Variants in STIM1 observed in about 807,000 individuals in gnomAD.
STIM1 encodes the protein stromal interaction molecule 1.
Under a neutral mutation model 74.7 loss-of-function variants are expected in STIM1, and 25 were observed. The observed-to-expected ratio is 0.33, with a 90% CI of 0.24 to 0.47. STIM1 has a LOEUF of 0.47. STIM1 is among the 20% of genes least tolerant of loss of function. The pLI is 1.00. For synonymous variants in STIM1, 328 were observed against 348.8 expected, an observed-to-expected ratio of 0.94 and a Z score of 0.66; for missense variants, 728 against 920.8, an observed-to-expected ratio of 0.79 and a Z score of 2.71.
intron 3 of STIM1, among the ~76,000 whole-genome samples, chr11:4,052,858 C>G (rs1314374097): frequency 6.6e-6 from 1 of 152,132 alleles, no homozygotes; most frequent in South Asian, 2.1e-4. Flanking sequence ...GGGCTAATAT[C>G]CAGAATCTAC....
At chr11:3,999,406 C>G (rs545946937) in intron 2 of STIM1, among the ~76,000 whole-genome samples, 6 of 152,256 alleles carry the variant, frequency 3.9e-5, no homozygotes, top group Non-Finnish European at 7.3e-5. Context: ...TGTAAGGTGT[C>G]TGGTAGGGAG....
rs115676785 is a variant in STIM1, at chr11:3,956,954, C to T, written c.140-10598C>T. On this transcript the variant is annotated intron_variant, in intron 1 of 12. Transcript: ENST00000526596. Reference sequence around the variant, plus strand: ...TACCTAGTATGTGTCAGGCACTGTACGAGTCCCTTGGGATACTGCAGTGAG... The same window carrying T: ...TACCTAGTATGTGTCAGGCACTGTATGAGTCCCTTGGGATACTGCAGTGAG... Among the ~76,000 whole-genome samples, 576 of 151,326 alleles carry T rather than the reference C, an allele frequency of 3.8e-3. 3 individuals carry two copies. The highest frequency in any genetic ancestry group is 0.013 in the African/African-American group (541 of 41,262).
chr11:3,937,229 T>TG (rs1254273601), intron 1 of STIM1, among the ~76,000 whole-genome samples: 2 of 151,464 alleles, frequency 1.3e-5, no homozygotes, highest in Non-Finnish European at 2.9e-5. Context: ...AGGCAGAAGT[T>TG]GCAGTGAGCC....
chr11:3,898,074 T>C (rs375370707), intron 1 of STIM1, among the ~76,000 whole-genome samples: 3,481 of 152,118 alleles, frequency 0.023, 139 homozygotes, highest in African/African-American at 0.08. Flanking sequence ...TTCTAGATCC[T>C]TGAGGAATCG....
intron 1 of STIM1, among the ~76,000 whole-genome samples, chr11:3,889,922 A>G (rs116453790): frequency 1.6e-3 from 240 of 152,274 alleles, no homozygotes; most frequent in African/African-American, 5.4e-3. Context: ...AGGGTAGTAA[A>G]TATTAAGCAA....
intron 3 of STIM1, among the ~76,000 whole-genome samples, chr11:4,028,425 T>TC (rs2094017372): frequency 6.6e-6 from 1 of 151,100 alleles, no homozygotes. Context: ...TTTTTTTTTT[T>TC]CGAGGTGGAG....
chr11:4,024,134 A>G, intron 3 of STIM1, 147 bp downstream of exon 3: 1 of 696,154 alleles, frequency 1.4e-6, no homozygotes. Flanking sequence ...ACTAAAAAAG[A>G]CTGAATATAG....
At chr11:4,077,022 G>A (rs11827790) in intron 7 of STIM1, among the ~76,000 whole-genome samples, 5,593 of 151,320 alleles carry the variant, frequency 0.037, 327 homozygotes, top group African/African-American at 0.13. Flanking sequence ...TATGCTGTTC[G>A]TAAGAGACAC....
In STIM1 at chr11:4,022,191, G is replaced by T. The variant is rs117136993; in HGVS notation, c.271-1682G>T. ...TACCAAAAATACAAAAAATTAGCCA[G>T]GTGGGGTGGCGTGCACACCTATAGT... On this transcript the variant is annotated intron_variant, in intron 2 of 12. Coordinates refer to ENST00000526596, the MANE Select transcript of STIM1 (RefSeq NM_001382567.1). 1.2e-3 allele frequency among the ~76,000 whole-genome samples: 188 copies of T among 151,984 alleles called. 8 individuals carry two copies. In the East Asian group the frequency reaches 0.033, roughly 27 times the overall value.
At chr11:3,890,536 A>G (rs574456578) in intron 1 of STIM1, among the ~76,000 whole-genome samples, 1 of 152,104 alleles carries the variant, frequency 6.6e-6, no homozygotes, top group Non-Finnish European at 1.5e-5. Flanking sequence ...ATTTGACTGA[A>G]GTTTTAAGCT....
intron 5 of STIM1, among the ~76,000 whole-genome samples, chr11:4,060,190 G>A (rs1280919034): frequency 6.6e-6 from 1 of 152,206 alleles, no homozygotes; most frequent in Non-Finnish European, 1.5e-5. Context: ...CGGCCAGCCT[G>A]TAATCCTTTT....
intron 1 of STIM1, among the ~76,000 whole-genome samples, chr11:3,886,687 CAAAAAA>C (rs199847545): frequency 3.5e-4 from 31 of 87,916 alleles, no homozygotes; most frequent in African/African-American, 1.6e-3. Flanking sequence ...GACTCTGTGT[CAAAAAA>C]AAAAAAAAAA....
intron 1 of STIM1, among the ~76,000 whole-genome samples, chr11:3,958,707 C>T (rs1306229167): frequency 6.6e-6 from 1 of 152,062 alleles, no homozygotes; most frequent in Non-Finnish European, 1.5e-5. Flanking sequence ...CAGTGGCTCA[C>T]ACCTGTAATT....
chr11:3,958,548 C>T (rs543846194), intron 1 of STIM1, among the ~76,000 whole-genome samples: 1 of 152,266 alleles, frequency 6.6e-6, no homozygotes, highest in East Asian at 1.9e-4. Context: ...CTGAGTTTTG[C>T]CTAGCCTAGG....
At chr11:3,922,247 T>G (rs1168221167) in intron 1 of STIM1, among the ~76,000 whole-genome samples, 6 of 152,172 alleles carry the variant, frequency 3.9e-5, no homozygotes, top group Admixed American at 3.9e-4. Flanking sequence ...CATTGTGGTT[T>G]AATTTGTTTT....
At chr11:3,891,282 A>T (rs1461865477) in intron 1 of STIM1, among the ~76,000 whole-genome samples, 2 of 149,852 alleles carry the variant, frequency 1.3e-5, no homozygotes, top group African/African-American at 5.0e-5. Context: ...AAATAAAAAA[A>T]ATTTTATTTT....
chr11:3,918,520 T>A (rs2092677568), intron 1 of STIM1, among the ~76,000 whole-genome samples: 1 of 126,366 alleles, frequency 7.9e-6, no homozygotes. Flanking sequence ...TGGGAGACAG[T>A]CAGACACTGT....
rs1157112648 is a variant in STIM1, at chr11:3,895,608, C to CTCTTTCTT, written c.139+39258_139+39265dup. Among the ~76,000 whole-genome samples the CTCTTTCTT allele has an allele frequency of 1.6e-3, 86 of 53,120 alleles. 2 individuals carry two copies. The highest frequency in any genetic ancestry group is 0.013 in the Middle Eastern group (2 of 152). The allele number at this position is 53,120 out of a possible 152,430, so 34.8% of individuals were successfully genotyped here. On this transcript the variant is annotated intron_variant, in intron 1 of 12. Transcript: ENST00000526596. ...CGGGAATAGTGTTCTTTCTTTCTCT[C>CTCTTTCTT]TCTTTCTTTCTTTCTTTCTTTCTTT...
chr11:4,087,694 A>G (rs1311712874), intron 12 of STIM1, among the ~76,000 whole-genome samples: 2 of 151,834 alleles, frequency 1.3e-5, no homozygotes, highest in Non-Finnish European at 2.9e-5. Context: ...GTGGAAGACT[A>G]CAGGAATTTG....
Sources: gnomAD v4.1 joint callset for allele counts (sites outside exome capture counted in the v4.1 genomes callset) on GRCh38, gnomAD v4.1.1 for gene constraint, MANE v1.5 for transcripts, NCBI Gene and HGNC (gene_info 2026-07-23, HGNC 2026-07-21) for gene names.